The following STAT3 variants were observed in gnomAD, a reference collection of about 807,000 sequenced individuals.
The protein encoded by STAT3 is signal transducer and activator of transcription 3, also known as DNA-binding protein APRF.
A neutral mutation model predicts 114.3 loss-of-function variants in STAT3; 7 were observed. That is an observed-to-expected ratio of 0.06 (90% CI 0.03 to 0.11). The LOEUF (loss-of-function observed/expected upper bound fraction) is 0.11. Ranked by LOEUF, STAT3 falls within the 10% of genes least tolerant of loss-of-function variation. STAT3 has a pLI of 1.00. For missense variants in STAT3, 364 were observed against 960.9 expected, an observed-to-expected ratio of 0.38 and a Z score of 8.21; for synonymous variants, 331 against 354.5, an observed-to-expected ratio of 0.93 and a Z score of 0.74.
At chr17:42,323,200 C>T in intron 19 of STAT3, 57 bp from the exon 20 acceptor site, 1 of 1,614,182 alleles carries the variant, frequency 6.2e-7, no homozygotes, top group Non-Finnish European at 8.5e-7. Context: ...CCATCCCCTG[C>T]CACTGGCTTG....
intron 3 of STAT3, 148 bp downstream of exon 3, chr17:42,346,421 G>T: frequency 1.7e-6 from 2 of 1,181,830 alleles, no homozygotes; most frequent in Non-Finnish European, 2.4e-6. Context: ...AGAGCTTTGA[G>T]AAAGGGCTAA....
chr17:42,370,315 G>A (rs1442554449), intron 1 of STAT3, among the ~76,000 whole-genome samples: 1 of 149,122 alleles, frequency 6.7e-6, no homozygotes, highest in Non-Finnish European at 1.5e-5. Flanking sequence ...GCATGATCTC[G>A]GCTCACTGCA....
intron 20 of STAT3, among the ~76,000 whole-genome samples, 164 bp from the exon 21 acceptor site, chr17:42,322,658 G>C (rs1158934608): frequency 6.6e-6 from 1 of 152,188 alleles, no homozygotes; most frequent in Non-Finnish European, 1.5e-5. Context: ...AAATATTCAG[G>C]CTGGCTTCTA....
Position 42,315,613 on chromosome 17 carries a change from T to C in STAT3, c.*132A>G. 1.1e-6 allele frequency: 1 copy of C among 869,668 alleles called. No individual in the cohort carries two copies. Among genetic ancestry groups the C allele is most frequent in the East Asian group, 2.5e-5 (1 of 39,912 alleles). 53.9% of individuals were successfully genotyped at this position (869,668 alleles called of 1,614,324 possible). On this transcript the variant is annotated 3_prime_UTR_variant, in exon 24 of 24. Transcript: ENST00000264657. ...CCAGATTGCTCAAAGATAGCAGAAGTAGGAGATTAAAAAAAATCTGGAACC... is the reference window on the plus strand; with the variant it reads ...CCAGATTGCTCAAAGATAGCAGAAGCAGGAGATTAAAAAAAATCTGGAACC...
intron 14 of STAT3, among the ~76,000 whole-genome samples, chr17:42,327,299 T>A (rs935205154): frequency 6.6e-6 from 1 of 152,208 alleles, no homozygotes; most frequent in African/African-American, 2.4e-5. Context: ...TTTACAGTTT[T>A]ACCATATTTG....
At chr17:42,371,323 G>C (rs2084117141) in intron 1 of STAT3, among the ~76,000 whole-genome samples, 1 of 152,048 alleles carries the variant, frequency 6.6e-6, no homozygotes, top group African/African-American at 2.4e-5. Flanking sequence ...CAGAGCGACT[G>C]GGTGGAGGGC....
chr17:42,370,947 T>G (rs2084089657), intron 1 of STAT3, among the ~76,000 whole-genome samples: 1 of 152,098 alleles, frequency 6.6e-6, no homozygotes, highest in Non-Finnish European at 1.5e-5. Context: ...TTCTAGGTGT[T>G]TTGTACAAAA....
chr17:42,375,046 C>A (rs4796644), intron 1 of STAT3, among the ~76,000 whole-genome samples: 49 of 152,276 alleles, frequency 3.2e-4, no homozygotes, highest in Non-Finnish European at 6.3e-4. Context: ...GAATTAACCC[C>A]AGCAGTCAGA....
intron 4 of STAT3, among the ~76,000 whole-genome samples, chr17:42,344,214 A>C (rs929545321): frequency 5.9e-5 from 9 of 152,200 alleles, no homozygotes; most frequent in African/African-American, 2.2e-4. Flanking sequence ...CGAGGTCAAG[A>C]GATCGAGACC....
At chr17:42,384,135 T>TA (rs55920333) in intron 1 of STAT3, among the ~76,000 whole-genome samples, 9,028 of 139,296 alleles carry the variant, frequency 0.065, 278 homozygotes, top group African/African-American at 0.099. Flanking sequence ...TTTATTTATT[T>TA]TTTTTTTTTT....
chr17:42,346,810 C>A, intron 2 of STAT3, 97 bp from the exon 3 acceptor site: 1 of 1,541,240 alleles, frequency 6.5e-7, no homozygotes, highest in Non-Finnish European at 8.9e-7. Context: ...AACAAAAAAA[C>A]AAAGCAAACC....
intron 1 of STAT3, among the ~76,000 whole-genome samples, chr17:42,362,293 G>C (rs566355301): frequency 6.6e-6 from 1 of 152,178 alleles, no homozygotes; most frequent in Non-Finnish European, 1.5e-5. Context: ...CAGCTGAATG[G>C]TAAAACCTGC....
chr17:42,313,731 T>C lies in STAT3; in HGVS notation c.*2014A>G, dbSNP rs532120833. On this transcript the variant is annotated 3_prime_UTR_variant, in exon 24 of 24. Coordinates refer to ENST00000264657, the MANE Select transcript of STAT3 (RefSeq NM_139276.3). ...GCCCTGAACCCTCGCCCTAGGTCCC[T>C]ATGATTTAAACCCAATGGTAAGCCC... 4.3e-5 allele frequency: 10 copies of C among 232,968 alleles called. No homozygotes were observed. In the East Asian group the frequency reaches 5.4e-4, roughly 13 times the overall value. The allele number at this position is 232,968 out of a possible 1,614,324, so 14.4% of individuals were successfully genotyped here. A position where few individuals can be genotyped will look rare whatever the true frequency, so the allele number is the denominator to read the frequency against.
intron 1 of STAT3, among the ~76,000 whole-genome samples, chr17:42,358,081 T>C (rs1285008555): frequency 6.6e-6 from 1 of 152,038 alleles, no homozygotes; most frequent in African/African-American, 2.4e-5. Context: ...AAAACTTGAG[T>C]TATAGTTCCC....
Position 42,370,543 on chromosome 17 carries a change from C to T in STAT3, c.-24+17736G>A, listed in dbSNP as rs543275953. On this transcript the variant is annotated intron_variant, in intron 1 of 23. Transcript: ENST00000264657. The stretch of plus-strand genomic sequence containing the variant: ...CCTCCCAAAGTGCTGGGATTACAGG[C>T]GTGAGCCACCGCGCCCAGCCATCTT... 3.2e-4 allele frequency among the ~76,000 whole-genome samples: 48 copies of T among 152,126 alleles called. 1 individual carries two copies. In the East Asian group the frequency reaches 8.9e-3, roughly 28 times the overall value.
chr17:42,367,372 A>T (rs1411869572), intron 1 of STAT3, among the ~76,000 whole-genome samples: 1 of 149,890 alleles, frequency 6.7e-6, no homozygotes, highest in African/African-American at 2.4e-5. Context: ...AGATCATTTC[A>T]TTCCCCTGCT....
At chr17:42,335,027 A>G (rs1043726312) in intron 8 of STAT3, among the ~76,000 whole-genome samples, 9 of 152,148 alleles carry the variant, frequency 5.9e-5, no homozygotes, top group African/African-American at 1.4e-4. Context: ...GTCACACACT[A>G]TCTGTGCAAG....
At chr17:42,358,518 G>C (rs1029327853) in intron 1 of STAT3, among the ~76,000 whole-genome samples, 8 of 152,126 alleles carry the variant, frequency 5.3e-5, no homozygotes, top group African/African-American at 1.9e-4. Context: ...CCTAAGAACA[G>C]GTCTGAGCTC....
intron 21 of STAT3, among the ~76,000 whole-genome samples, chr17:42,318,803 T>G (rs778978731): frequency 9.2e-5 from 14 of 152,170 alleles, no homozygotes; most frequent in Non-Finnish European, 2.1e-4. Context: ...TGAGTTTACT[T>G]TGGGCCAAGA....
Sources: gnomAD v4.1 joint callset for allele counts (sites outside exome capture counted in the v4.1 genomes callset) on GRCh38, gnomAD v4.1.1 for gene constraint, MANE v1.5 for transcripts, NCBI Gene and HGNC (gene_info 2026-07-23, HGNC 2026-07-21) for gene names.